Variants in SCAI observed in about 807,000 individuals in gnomAD.
SCAI encodes suppressor of cancer cell invasion.
SCAI carries 24 observed loss-of-function variants against 92.2 expected under a neutral mutation model. The observed-to-expected ratio is 0.26, with a 90% confidence interval of 0.19 to 0.37. The LOEUF is 0.37. Among genes scored for constraint, SCAI ranks in the 10% least tolerant of loss-of-function variants. The pLI is 1.00. For missense variants in SCAI, 450 were observed against 736.2 expected, an observed-to-expected ratio of 0.61 and a Z score of 4.50; for synonymous variants, 261 against 258.6, an observed-to-expected ratio of 1.01 and a Z score of -0.09.
At chr9:125,028,335 T>C in intron 5 of SCAI, 57 bp downstream of exon 5, 3 of 962,838 alleles carry the variant, frequency 3.1e-6, no homozygotes, top group East Asian at 2.5e-5. Context: ...TGTATACTTC[T>C]GCATGCTGTG....
intron 2 of SCAI, among the ~76,000 whole-genome samples, chr9:125,098,052 T>TA (rs1446923535): frequency 1.1e-4 from 17 of 151,708 alleles, no homozygotes. Flanking sequence ...TATATATGTG[T>TA]ATATACACAT....
intron 2 of SCAI, among the ~76,000 whole-genome samples, chr9:125,116,920 T>A (rs904141644): frequency 6.6e-6 from 1 of 152,194 alleles, no homozygotes; most frequent in African/African-American, 2.4e-5. Flanking sequence ...TCACTTATCA[T>A]ATTTATTCTT....
rs867337403 is a variant in SCAI, at chr9:125,088,719, C to A, written c.99-32712G>T. 3.9e-5 allele frequency among the ~76,000 whole-genome samples: 6 copies of A among 152,186 alleles called. 1 individual carries two copies. Among genetic ancestry groups the A allele is most frequent in the African/African-American group, 1.4e-4 (6 of 41,444 alleles). On this transcript the variant is annotated intron_variant, in intron 2 of 17. Coordinates refer to ENST00000336505, the MANE Select transcript of SCAI (RefSeq NM_001144877.3). ...TCTTGAACTCATGGGCTCAAGCAAT[C>A]CTCATACCTTGGCCTCGCAAAGTTC...
intron 2 of SCAI, among the ~76,000 whole-genome samples, chr9:125,069,627 T>C (rs1409438104): frequency 6.9e-6 from 1 of 144,082 alleles, no homozygotes; most frequent in Non-Finnish European, 1.5e-5. Context: ...CTTTTTTTTT[T>C]TTTTTTTTTT....
intron 2 of SCAI, among the ~76,000 whole-genome samples, chr9:125,117,709 A>G (rs1835076573): frequency 6.7e-6 from 1 of 149,958 alleles, no homozygotes; most frequent in Admixed American, 6.7e-5. Context: ...ACTTTGAAGC[A>G]TTTGAAACCA....
intron 2 of SCAI, among the ~76,000 whole-genome samples, chr9:125,106,822 C>T (rs867485046): frequency 4.0e-5 from 6 of 149,180 alleles, no homozygotes; most frequent in Middle Eastern, 3.5e-3. Context: ...AATACTCCCA[C>T]CTCAGCCTCC....
chr9:125,127,027 G>A (rs569280601), intron 2 of SCAI, among the ~76,000 whole-genome samples: 11 of 152,228 alleles, frequency 7.2e-5, no homozygotes, highest in Admixed American at 2.6e-4. Flanking sequence ...CTGGGGGTTA[G>A]GTAGAAATAA....
intron 1 of SCAI, 33 bp downstream of exon 1, chr9:125,143,352 T>G (rs1374035305): frequency 6.2e-6 from 5 of 806,102 alleles, no homozygotes; most frequent in Admixed American, 5.7e-5. Context: ...CCCCACCCCA[T>G]CCCCAACCCC....
intron 9 of SCAI, among the ~76,000 whole-genome samples, chr9:125,009,433 C>T (rs953713985): frequency 2.6e-5 from 4 of 152,090 alleles, no homozygotes; most frequent in Non-Finnish European, 5.9e-5. Context: ...TCATGCCTGA[C>T]TAATTTTTGT....
intron 14 of SCAI, among the ~76,000 whole-genome samples, chr9:124,984,572 G>T (rs1831949666): frequency 6.6e-6 from 1 of 152,172 alleles, no homozygotes; most frequent in African/African-American, 2.4e-5. Context: ...TGTTGGATGT[G>T]AGGGGAGGAG....
chr9:125,073,174 G>A (rs10986542), intron 2 of SCAI, among the ~76,000 whole-genome samples: 1 of 130,920 alleles, frequency 7.6e-6, no homozygotes, highest in Non-Finnish European at 1.6e-5. Flanking sequence ...GCGCGATCTC[G>A]GCTCACTGCA....
chr9:125,075,467 C>A (rs376572182), intron 2 of SCAI, among the ~76,000 whole-genome samples: 1 of 151,602 alleles, frequency 6.6e-6, no homozygotes, highest in Non-Finnish European at 1.5e-5. Flanking sequence ...CATGATCTCC[C>A]GGCTCACTGC....
chr9:124,991,960 A>T (rs74731663), intron 14 of SCAI, among the ~76,000 whole-genome samples: 1 of 152,188 alleles, frequency 6.6e-6, no homozygotes, highest in Admixed American at 6.5e-5. Context: ...TCTCTCACTC[A>T]GGCTGGAATG....
rs1195663083 is a variant in SCAI at position 125,032,170 on chromosome 9, A to AATATAT, written c.231-2437_231-2432dup. On this transcript the variant is annotated intron_variant, in intron 3 of 17. Transcript: ENST00000336505. ...CACTCAAATGTTTAATAGTAAAATG[A>AATATAT]ATATATATATATATATATATATATA... Among the ~76,000 whole-genome samples the AATATAT allele has an allele frequency of 2.9e-3, 346 of 118,622 alleles. 3 individuals are homozygous for AATATAT. Among genetic ancestry groups the AATATAT allele is most frequent in the South Asian group, 9.2e-3 (34 of 3,682 alleles). 77.8% of individuals were successfully genotyped at this position (118,622 alleles called of 152,430 possible). A position where few individuals can be genotyped will look rare whatever the true frequency, so the allele number is the denominator to read the frequency against.
chr9:125,076,075 A>G (rs1397734071), intron 2 of SCAI, among the ~76,000 whole-genome samples: 1 of 152,230 alleles, frequency 6.6e-6, no homozygotes, highest in Admixed American at 6.5e-5. Context: ...TGTAGTATAA[A>G]TACAAACAAC....
intron 9 of SCAI, among the ~76,000 whole-genome samples, chr9:125,007,972 A>C (rs1441742131): frequency 6.6e-6 from 1 of 151,506 alleles, no homozygotes; most frequent in Non-Finnish European, 1.5e-5. Flanking sequence ...CAGCCTCCGG[A>C]GTAGCTGGGA....
chr9:125,024,277 GTT>G (rs777338173), intron 6 of SCAI, among the ~76,000 whole-genome samples: 9 of 137,426 alleles, frequency 6.5e-5, no homozygotes, highest in Admixed American at 7.4e-5. Flanking sequence ...TTTTTATGAA[GTT>G]TTTTTTTTTT....
At chr9:125,023,492 G>T (rs1832908526) in intron 6 of SCAI, among the ~76,000 whole-genome samples, 1 of 152,084 alleles carries the variant, frequency 6.6e-6, no homozygotes, top group Non-Finnish European at 1.5e-5. Flanking sequence ...AAATATGAAT[G>T]ACTTAATTCT....
intron 13 of SCAI, 46 bp from the exon 14 acceptor site, chr9:124,995,061 C>T: frequency 7.2e-7 from 1 of 1,398,532 alleles, no homozygotes; most frequent in Non-Finnish European, 1.0e-6. Context: ...TCAGCCACAT[C>T]TCAGAAATCT....
Sources: allele counts gnomAD v4.1 joint callset (sites outside exome capture counted in the v4.1 genomes callset), GRCh38; gene constraint gnomAD v4.1.1; transcripts MANE v1.5; gene names NCBI Gene and HGNC (gene_info 2026-07-23, HGNC 2026-07-21).